Variants in KIF23 observed in about 807,000 individuals in gnomAD.
The protein encoded by KIF23 is kinesin family member 23.
In KIF23, 30 loss-of-function variants were observed where a neutral mutation model predicts 137.5. The observed-to-expected ratio is 0.22, with a 90% CI of 0.16 to 0.30. The LOEUF is 0.30. Ranked by LOEUF, KIF23 falls within the 10% of genes least tolerant of loss-of-function variation. The pLI, the probability that KIF23 is intolerant of heterozygous loss-of-function variation, is 1.00. For synonymous variants in KIF23, 367 were observed against 391.1 expected (o/e 0.94, Z 0.73); for missense variants, 920 against 1,194.3 (o/e 0.77, Z 3.38).
chr15:69,437,479 G>C (rs1002808610), intron 15 of KIF23, among the ~76,000 whole-genome samples: 1 of 36,084 alleles, frequency 2.8e-5, no homozygotes, highest in Non-Finnish European at 5.2e-5. Context: ...TTTTTTTTTT[G>C]AGACTGAGTC....
intron 9 of KIF23, 38 bp from the exon 10 acceptor site, chr15:69,426,298 G>A (rs777437926): frequency 3.1e-6 from 5 of 1,610,112 alleles, no homozygotes; most frequent in African/African-American, 1.3e-5. Flanking sequence ...TGAAATGACT[G>A]AGTTCAGGTT....
At position 69,447,877 on chromosome 15, in the gene KIF23, C is replaced by CA. The variant is rs1286823639; in HGVS notation, c.*71dup. 2 of 1,507,074 alleles carry CA rather than the reference C, an allele frequency of 1.3e-6. No homozygotes were observed. The highest frequency in any genetic ancestry group is 3.4e-5 in the Admixed American group (2 of 59,388). 93.4% of individuals were successfully genotyped at this position (1,507,074 alleles called of 1,614,324 possible). On this transcript the variant is annotated 3_prime_UTR_variant, in exon 24 of 24. Transcript: ENST00000679126. ...GATTTCTCGAAAGCCATGCCAGAAG[C>CA]AGTCTTCCAGGTCATCTTGTAGAAC...
At position 69,426,134 on chromosome 15, in the gene KIF23, G is replaced by A; in HGVS notation, c.841G>A (p.Glu281Lys). 6.2e-7 allele frequency: 1 copy of A among 1,609,548 alleles called. No homozygotes were observed. Among genetic ancestry groups the A allele is most frequent in the Non-Finnish European group, 8.5e-7 (1 of 1,179,130 alleles). ...TAACATGTATGTTGCAGGATGTACA[G>A]AAGTTGAAGTGAAATCTACTGAGGA... ...NHNMYVAGCT[E>K]VEVKSTEEAF... is the part of the protein sequence containing the mutation. The change falls in exon 9 of 24, where the codon GAA becomes AAA. Residue 281 changes from glutamate (E) to lysine (K), a missense_variant. Around this residue, in one of 4 missense-constraint regions of KIF23, gnomAD observed 714 missense variants for 866.2 expected, o/e 0.82. Transcript: ENST00000679126.
chr15:69,433,784 A>G (rs2057409059), intron 11 of KIF23, among the ~76,000 whole-genome samples: 1 of 152,142 alleles, frequency 6.6e-6, no homozygotes, highest in African/African-American at 2.4e-5. Context: ...CAGCACACTT[A>G]TTTGGAAAAC....
At chr15:69,443,200 T>TATA (rs1399727581) in intron 19 of KIF23, among the ~76,000 whole-genome samples, 9 of 152,168 alleles carry the variant, frequency 5.9e-5, no homozygotes, top group African/African-American at 2.2e-4. Flanking sequence ...TCTTGTTAAC[T>TATA]ATATAGCGAA....
Position 69,414,431 on chromosome 15 carries a change from C to T in KIF23, c.-35C>T, listed in dbSNP as rs1275820849. On this transcript the variant is annotated 5_prime_UTR_variant, in exon 1 of 24. Coordinates refer to ENST00000679126, the MANE Select transcript of KIF23 (RefSeq NM_001367805.3). ...CGCAGTCTTCGCCAGCCAGCCGTCC[C>T]GCATGCGCGTTTGGGCGGCGTGGAG... The T allele has an allele frequency of 1.1e-5, 17 of 1,578,408 alleles. No individual in the cohort carries two copies. The highest frequency in any genetic ancestry group is 1.7e-4 in the Middle Eastern group (1 of 6,004).
At chr15:69,424,947 T>C (rs892063143) in intron 7 of KIF23, among the ~76,000 whole-genome samples, 2 of 152,236 alleles carry the variant, frequency 1.3e-5, no homozygotes, top group African/African-American at 4.8e-5. Context: ...TAAATGAGAT[T>C]ATTTTCAAAG....
At chr15:69,437,456 C>CTTT (rs772460557) in intron 15 of KIF23, among the ~76,000 whole-genome samples, 53 of 120,528 alleles carry the variant, frequency 4.4e-4, no homozygotes, top group East Asian at 9.9e-4. Context: ...AATGTATCTA[C>CTTT]TTTTTTTTTT....
At chr15:69,425,574 A>C (rs1363623064) in intron 8 of KIF23, among the ~76,000 whole-genome samples, 1 of 152,208 alleles carries the variant, frequency 6.6e-6, no homozygotes, top group Non-Finnish European at 1.5e-5. Flanking sequence ...TCATCTTGTC[A>C]TACAGACTAA....
intron 2 of KIF23, among the ~76,000 whole-genome samples, chr15:69,416,472 G>A (rs1351555970): frequency 6.6e-6 from 1 of 152,130 alleles, no homozygotes; most frequent in Admixed American, 6.5e-5. Context: ...AAAAAATGAA[G>A]CAGGCAAAAA....
At chr15:69,414,535 T>TGGGGGCAGGCGTCTCCACTTA in intron 1 of KIF23, 59 bp downstream of exon 1, 1 of 1,498,594 alleles carries the variant, frequency 6.7e-7, no homozygotes. Context: ...GCCTCGGGGC[T>TGGGGGCAGGCGTCTCCACTTA]GGGGGCAGGC....
Position 69,441,085 on chromosome 15 carries a change from T to A in KIF23, c.2421+6T>A. Reference sequence around the variant, plus strand: ...AAGAGGATCATTGCGGCAGGGTTAGTGCCAGTATTATTTTAACGCATTGTA... The same window carrying A: ...AAGAGGATCATTGCGGCAGGGTTAGAGCCAGTATTATTTTAACGCATTGTA... On this transcript the variant is annotated splice_donor_region_variant and intron_variant, in intron 19 of 23. Transcript: ENST00000679126. 6.3e-7 allele frequency: 1 copy of A among 1,598,294 alleles called. No homozygotes were observed. Among genetic ancestry groups the A allele is most frequent in the East Asian group, 2.2e-5 (1 of 44,622 alleles).
chr15:69,431,828 T>C (rs1166721128), intron 11 of KIF23, among the ~76,000 whole-genome samples: 4 of 152,188 alleles, frequency 2.6e-5, no homozygotes, highest in African/African-American at 4.8e-5. Context: ...CATTAGAAGA[T>C]AGTAAAGACT....
At chr15:69,439,517 G>A (rs906511998) in intron 16 of KIF23, among the ~76,000 whole-genome samples, 3 of 152,206 alleles carry the variant, frequency 2.0e-5, no homozygotes, top group Non-Finnish European at 4.4e-5. Flanking sequence ...GCAGCACTGT[G>A]TAATGTATGT....
chr15:69,425,300 A>G lies in KIF23; in HGVS notation c.753A>G (p.Thr251=). ...PIKPKWNSCS[T]PMRNTDFVPP... is the part of the protein sequence containing the mutation. ...TTGGTAGGTGGAACAGTTGCAGCAC[A>G]CCCATGAGGAACACAGATTTTGTGT... The change falls in exon 8 of 24, where the codon ACA becomes ACG. Residue 251 remains threonine, a synonymous_variant. Transcript: ENST00000679126. The G allele has an allele frequency of 1.3e-6, 2 of 1,535,980 alleles. No homozygotes were observed. The highest frequency in any genetic ancestry group is 1.2e-5 in the South Asian group (1 of 84,040).
chr15:69,416,176 C>A, intron 2 of KIF23, 113 bp downstream of exon 2: 2 of 625,234 alleles, frequency 3.2e-6, no homozygotes, highest in Non-Finnish European at 5.2e-6. Context: ...GAAGTATAAT[C>A]AAAGAACATT....
At chr15:69,417,351 TTTC>T in intron 2 of KIF23, 29 bp from the exon 3 acceptor site, 1 of 1,517,614 alleles carries the variant, frequency 6.6e-7, no homozygotes, top group African/African-American at 1.4e-5. Flanking sequence ...AAGGTCGAAC[TTTC>T]TTCTTAAAGC....
intron 16 of KIF23, 91 bp downstream of exon 16, chr15:69,438,496 G>T: frequency 1.5e-5 from 19 of 1,246,524 alleles, no homozygotes; most frequent in Non-Finnish European, 2.1e-5. Flanking sequence ...GCCTGTAAAT[G>T]CTGCTTATTA....
chr15:69,436,516 T>C (rs748775533), intron 14 of KIF23, 48 bp from the exon 15 acceptor site: 7 of 1,501,752 alleles, frequency 4.7e-6, no homozygotes, highest in Non-Finnish European at 6.4e-6. Flanking sequence ...TTAAATAAGC[T>C]CTTTCTCTCC....
Sources: allele counts gnomAD v4.1 joint callset (sites outside exome capture counted in the v4.1 genomes callset), GRCh38; gene constraint gnomAD v4.1.1; regional missense constraint gnomAD v4.1.1; transcripts MANE v1.5; gene names NCBI Gene and HGNC (gene_info 2026-07-23, HGNC 2026-07-21).